SLC41A2: variants seen among roughly 807,000 people sequenced by gnomAD.
SLC41A2 encodes the protein solute carrier family 41 member 2.
Under a neutral mutation model 58.3 loss-of-function variants are expected in SLC41A2, and 32 were observed. That is an observed-to-expected ratio of 0.55 (90% confidence interval 0.41 to 0.74). The LOEUF (loss-of-function observed/expected upper bound fraction) is 0.74, where lower values mean the gene tolerates loss of function less well. SLC41A2 is among the 30% of genes least tolerant of loss of function. SLC41A2 has a pLI of 0.00. For synonymous variants in SLC41A2, 190 were observed against 235.0 expected, an observed-to-expected ratio of 0.81 and a Z score of 1.75; for missense variants, 514 against 680.6, an observed-to-expected ratio of 0.76 and a Z score of 2.72.
intron 3 of SLC41A2, among the ~76,000 whole-genome samples, chr12:104,901,662 G>A (rs1411308327): frequency 6.6e-6 from 1 of 152,010 alleles, no homozygotes; most frequent in Non-Finnish European, 1.5e-5. Flanking sequence ...CAATCCTCCT[G>A]CCTCAGCCTC....
At chr12:104,871,490 A>G (rs767630889) in intron 6 of SLC41A2, among the ~76,000 whole-genome samples, 1 of 152,214 alleles carries the variant, frequency 6.6e-6, no homozygotes, top group Non-Finnish European at 1.5e-5. Flanking sequence ...ATCAGAATCC[A>G]GAGCTTAGAT....
intron 1 of SLC41A2, among the ~76,000 whole-genome samples, chr12:104,933,997 C>T (rs2047168835): frequency 6.6e-6 from 1 of 151,874 alleles, no homozygotes; most frequent in Admixed American, 6.6e-5. Flanking sequence ...GATGGGTGCG[C>T]TATCCCAGAC....
intron 1 of SLC41A2, among the ~76,000 whole-genome samples, chr12:104,945,607 AT>A (rs1198811570): frequency 1.3e-5 from 2 of 152,164 alleles, no homozygotes; most frequent in African/African-American, 4.8e-5. Flanking sequence ...AATTTACTAT[AT>A]TTTTTCCAAA....
intron 7 of SLC41A2, among the ~76,000 whole-genome samples, chr12:104,861,677 T>C (rs185136031): frequency 2.0e-5 from 3 of 152,212 alleles, no homozygotes; most frequent in Admixed American, 2.0e-4. Flanking sequence ...TTATTAACCA[T>C]GTCTATTTCT....
chr12:104,957,182 CAAT>C (rs938597722), intron 1 of SLC41A2, among the ~76,000 whole-genome samples: 1 of 145,456 alleles, frequency 6.9e-6, no homozygotes, highest in African/African-American at 2.5e-5. Flanking sequence ...ACTGATACAA[CAAT>C]ATTAATATGC....
At chr12:104,872,069 G>C (rs2043807308) in intron 6 of SLC41A2, among the ~76,000 whole-genome samples, 1 of 151,912 alleles carries the variant, frequency 6.6e-6, no homozygotes, top group African/African-American at 2.4e-5. Flanking sequence ...AACTGGGAGA[G>C]GGGAATGAGG....
intron 10 of SLC41A2, among the ~76,000 whole-genome samples, chr12:104,828,189 G>A (rs188538360): frequency 2.6e-5 from 4 of 152,260 alleles, no homozygotes; most frequent in Non-Finnish European, 4.4e-5. Flanking sequence ...GACAGGCACC[G>A]GCATGCTGGC....
chr12:104,955,016 C>CTTTTTTTTT (rs375969264), intron 1 of SLC41A2, among the ~76,000 whole-genome samples: 22 of 79,166 alleles, frequency 2.8e-4, no homozygotes, highest in African/African-American at 8.3e-4. Context: ...TTGGCCCTTG[C>CTTTTTTTTT]TTTTTTTTTT....
At chr12:104,890,673 A>C (rs2044914320) in intron 4 of SLC41A2, among the ~76,000 whole-genome samples, 1 of 152,218 alleles carries the variant, frequency 6.6e-6, no homozygotes, top group Non-Finnish European at 1.5e-5. Flanking sequence ...TAAGTAGTAG[A>C]TGTGAAGGTT....
chr12:104,908,149 C>T (rs1161377675), intron 3 of SLC41A2, among the ~76,000 whole-genome samples: 1 of 152,116 alleles, frequency 6.6e-6, no homozygotes, highest in African/African-American at 2.4e-5. Context: ...ACTGTAATCC[C>T]AGCTACTTGG....
Position 104,844,478 on chromosome 12 carries a change from C to A in SLC41A2, c.1530G>T (p.Val510=). The change falls in exon 10 of 11, where the codon GTG becomes GTT. Residue 510 remains valine, a synonymous_variant. Coordinates refer to ENST00000258538, the MANE Select transcript of SLC41A2 (RefSeq NM_001352171.3). ...IFIVVYLFGA[V]LQVFTLLWIA... is the part of the protein sequence containing the mutation. ...AAGAAGTTTTAACTCTTACCTGTAACACAGCGCCAAATAAATACACTACTA... is the reference window on the plus strand; with the variant it reads ...AAGAAGTTTTAACTCTTACCTGTAAAACAGCGCCAAATAAATACACTACTA... 1 of 1,485,282 alleles carries A rather than the reference C, an allele frequency of 6.7e-7. No individual in the cohort carries two copies. The allele number at this position is 1,485,282 out of a possible 1,614,324, so 92.0% of individuals were successfully genotyped here.
intron 1 of SLC41A2, among the ~76,000 whole-genome samples, chr12:104,938,378 C>T (rs138565724): frequency 4.6e-4 from 70 of 152,250 alleles, no homozygotes; most frequent in Middle Eastern, 3.4e-3. Flanking sequence ...TATTACTCCC[C>T]GTTATTGGTC....
intron 3 of SLC41A2, among the ~76,000 whole-genome samples, chr12:104,906,333 C>A (rs1307162968): frequency 6.6e-6 from 1 of 152,104 alleles, no homozygotes; most frequent in African/African-American, 2.4e-5. Context: ...CATTAGGTGC[C>A]AATGAACCCC....
At chr12:104,916,985 A>C (rs2046353500) in intron 2 of SLC41A2, among the ~76,000 whole-genome samples, 1 of 150,692 alleles carries the variant, frequency 6.6e-6, no homozygotes, top group Non-Finnish European at 1.5e-5. Context: ...GGATCTAATT[A>C]AACTAAAGAG....
chr12:104,821,296 TA>T (rs139651339), intron 10 of SLC41A2, among the ~76,000 whole-genome samples: 6 of 152,052 alleles, frequency 3.9e-5, no homozygotes, highest in African/African-American at 1.4e-4. Context: ...CCCATAATAT[TA>T]AAAAAAATTC....
intron 4 of SLC41A2, among the ~76,000 whole-genome samples, chr12:104,892,597 T>C (rs930674721): frequency 6.6e-6 from 1 of 152,146 alleles, no homozygotes; most frequent in African/African-American, 2.4e-5. Flanking sequence ...TCACATTACC[T>C]GACTTCAAAT....
At chr12:104,936,155 G>C (rs1012532258) in intron 1 of SLC41A2, among the ~76,000 whole-genome samples, 1 of 152,078 alleles carries the variant, frequency 6.6e-6, no homozygotes, top group African/African-American at 2.4e-5. Context: ...CTACTGTGCT[G>C]CCAGTCATAT....
intron 4 of SLC41A2, among the ~76,000 whole-genome samples, chr12:104,890,274 T>C (rs1253227025): frequency 6.6e-6 from 1 of 152,182 alleles, no homozygotes; most frequent in Non-Finnish European, 1.5e-5. Context: ...TGATCTTGTA[T>C]TAATATTACA....
At chr12:104,910,156 C>T (rs943056009) in intron 2 of SLC41A2, among the ~76,000 whole-genome samples, 2 of 152,134 alleles carry the variant, frequency 1.3e-5, no homozygotes, top group Admixed American at 1.3e-4. Context: ...TTAAAACAAA[C>T]CCACTGGAAA....
Sources: gnomAD v4.1 joint callset for allele counts (sites outside exome capture counted in the v4.1 genomes callset) on GRCh38, gnomAD v4.1.1 for gene constraint, MANE v1.5 for transcripts, NCBI Gene and HGNC (gene_info 2026-07-23, HGNC 2026-07-21) for gene names.